The following FAM53A variants were observed in gnomAD, a reference collection of about 807,000 sequenced individuals.
The protein encoded by FAM53A is family with sequence similarity 53 member A, also known as protein FAM53A.
FAM53A carries 28 observed loss-of-function variants against 26.6 expected under a neutral mutation model. The ratio of observed to expected loss-of-function variants is 1.05; its 90% confidence interval spans 0.78 to 1.45. The LOEUF is 1.45. FAM53A is among the 40% of genes most tolerant of loss of function. FAM53A has a pLI of 0.00. For synonymous variants in FAM53A, 290 were observed against 253.1 expected, an observed-to-expected ratio of 1.15 and a Z score of -1.38; for missense variants, 650 against 575.8, an observed-to-expected ratio of 1.13 and a Z score of -1.32.
chr4:1,586,224 C>T, the FAM53A span, among the ~76,000 whole-genome samples: 2 of 151,800 alleles, frequency 1.3e-5, no homozygotes, highest in East Asian at 2.0e-4. Context: ...ACAGAGTTTC[C>T]CTCTTGTTGC....
chr4:1,634,743 C>CA (rs1172401393), intron 1 of FAM53A, among the ~76,000 whole-genome samples: 3 of 151,222 alleles, frequency 2.0e-5, no homozygotes, highest in Non-Finnish European at 4.4e-5. Context: ...ACTAAAAACA[C>CA]AAAAAAATTA....
the FAM53A span, among the ~76,000 whole-genome samples, chr4:1,576,210 A>G: frequency 6.6e-6 from 1 of 152,240 alleles, no homozygotes; most frequent in Non-Finnish European, 1.5e-5. Context: ...TCTCGCGCCT[A>G]TCTATCACGC....
chr4:1,639,069 C>T (rs538211295), downstream of FAM53A, among the ~76,000 whole-genome samples: 25 of 152,306 alleles, frequency 1.6e-4, no homozygotes, highest in African/African-American at 6.0e-4. Context: ...TGACGCCCTC[C>T]CCGACCTGCA....
the FAM53A span, among the ~76,000 whole-genome samples, chr4:1,610,265 C>T: frequency 6.6e-6 from 1 of 152,018 alleles, no homozygotes; most frequent in Non-Finnish European, 1.5e-5. Context: ...AGAATTTCTC[C>T]TCCCCTGGCC....
chr4:1,622,832 A>C (rs567753700), intron 1 of FAM53A, among the ~76,000 whole-genome samples: 3 of 152,254 alleles, frequency 2.0e-5, no homozygotes, highest in Non-Finnish European at 4.4e-5. Context: ...TGAGGCCAGA[A>C]GCAACCACCC....
chr4:1,624,731 A>T (rs1715203460), intron 1 of FAM53A, among the ~76,000 whole-genome samples: 1 of 152,226 alleles, frequency 6.6e-6, no homozygotes, highest in African/African-American at 2.4e-5. Context: ...TCTGTCCCAG[A>T]TGCTGTGTTT....
At chr4:1,670,406 C>T (rs997351697) in intron 1 of FAM53A, among the ~76,000 whole-genome samples, 1 of 152,236 alleles carries the variant, frequency 6.6e-6, no homozygotes, top group Admixed American at 6.5e-5. Context: ...TGGCTCAGAG[C>T]CTTCCCGTCA....
chr4:1,643,221 C>T (rs539675203), intron 4 of FAM53A, among the ~76,000 whole-genome samples: 178 of 152,268 alleles, frequency 1.2e-3, no homozygotes, highest in Non-Finnish European at 1.0e-3. Flanking sequence ...AATCCCAGCA[C>T]TTTGGGAGGC....
At chr4:1,596,241 G>A in the FAM53A span, among the ~76,000 whole-genome samples, 14 of 152,374 alleles carry the variant, frequency 9.2e-5, no homozygotes, top group South Asian at 1.2e-3. Context: ...CACAGGGCCA[G>A]GCTGAGGGAC....
At chr4:1,576,919 G>A in the FAM53A span, among the ~76,000 whole-genome samples, 4 of 152,166 alleles carry the variant, frequency 2.6e-5, no homozygotes, top group South Asian at 6.2e-4. Context: ...CAGAACGAGG[G>A]GTGAGTCAGA....
In FAM53A at chr4:1,652,375, AAC is replaced by A. The variant is rs1430789650; in HGVS notation, c.882+2601_882+2602del. 6.9e-5 allele frequency among the ~76,000 whole-genome samples: 9 copies of A among 130,890 alleles called. 1 individual carries two copies. The highest frequency in any genetic ancestry group is 5.4e-4 in the South Asian group (2 of 3,678). The allele number at this position is 130,890 out of a possible 152,430, so 85.9% of individuals were successfully genotyped here. On this transcript the variant is annotated intron_variant, in intron 4 of 4. Transcript: ENST00000308132. ...CACACGTCACACGCACAACACACACAACACACATCACATGCACACCACACACA... is the reference window on the plus strand; with the variant it reads ...CACACGTCACACGCACAACACACACAACACATCACATGCACACCACACACA...
Position 1,641,308 on chromosome 4 carries a change from C to T in FAM53A, c.1182G>A (p.Gln394=). ...CCCACCAGCCTCAGTTGTTCTCGAT[C>T]TGCTCCAGGTCCAGCTCCCAGCGGG... is the stretch of plus-strand genomic sequence containing the variant. ...PRARWELDLE[Q]IENN is the part of the protein sequence containing the mutation. Residue 394 remains glutamine (Q), a synonymous_variant, in exon 5 of 5, where the codon CAG becomes CAA. Transcript: ENST00000308132. The T allele has an allele frequency of 6.2e-7, 1 of 1,612,986 alleles. No homozygotes were observed. Among genetic ancestry groups the T allele is most frequent in the Non-Finnish European group, 8.5e-7 (1 of 1,179,860 alleles).
At chr4:1,599,718 A>G in the FAM53A span, among the ~76,000 whole-genome samples, 2 of 146,054 alleles carry the variant, frequency 1.4e-5, no homozygotes, top group Non-Finnish European at 3.0e-5. The surrounding 1 kb of genome is among the most constrained non-coding windows in gnomAD (Gnocchi z 6.1). Context: ...ATACATACCC[A>G]CACTAGTCAA....
the FAM53A span, among the ~76,000 whole-genome samples, chr4:1,602,141 C>T: frequency 2.0e-5 from 3 of 152,170 alleles, no homozygotes; most frequent in Non-Finnish European, 2.9e-5. Flanking sequence ...CTGCCTCATG[C>T]ATGGCTGATG....
Position 1,640,861 on chromosome 4 carries a change from A to G in FAM53A, c.*432T>C. ...GCCATGGCCCCGACCAGCTCACAGG[A>G]AACCTACTCTGTGCCCTGGGGCAGG... On this transcript the variant is annotated 3_prime_UTR_variant, in exon 5 of 5. Coordinates refer to ENST00000308132, the MANE Select transcript of FAM53A (RefSeq NM_001174070.3). 2.5e-6 allele frequency: 1 copy of G among 405,312 alleles called. No homozygotes were observed. Among genetic ancestry groups the G allele is most frequent in the South Asian group, 1.7e-5 (1 of 57,484 alleles). 25.1% of individuals were successfully genotyped at this position (405,312 alleles called of 1,614,324 possible). A position where few individuals can be genotyped will look rare whatever the true frequency, so the allele number is the denominator to read the frequency against.
chr4:1,664,444 G>C (rs1714078986), intron 2 of FAM53A, among the ~76,000 whole-genome samples: 1 of 152,182 alleles, frequency 6.6e-6, no homozygotes, highest in Non-Finnish European at 1.5e-5. Flanking sequence ...CTACTCTCTA[G>C]AACTGTCTAC....
At chr4:1,637,228 G>C (rs1186113511), downstream of FAM53A, among the ~76,000 whole-genome samples, 2 of 152,134 alleles carry the variant, frequency 1.3e-5, no homozygotes, top group Non-Finnish European at 2.9e-5. Context: ...AATAGGCCCA[G>C]GATAAGGAAC....
chr4:1,685,348 T>C (rs1197896100), upstream of FAM53A, among the ~76,000 whole-genome samples: 1 of 150,432 alleles, frequency 6.6e-6, no homozygotes, highest in African/African-American at 2.5e-5. Context: ...TTGGTGGGGG[T>C]GGGGAGAAGG....
At chr4:1,608,237 C>T in the FAM53A span, among the ~76,000 whole-genome samples, 2 of 152,072 alleles carry the variant, frequency 1.3e-5, 1 homozygote, top group South Asian at 4.2e-4. Flanking sequence ...CCTCTCCGAT[C>T]TTCTATGTGT....
Sources: gnomAD v4.1 joint callset for allele counts (sites outside exome capture counted in the v4.1 genomes callset) on GRCh38, gnomAD v4.1.1 for gene constraint, Gnocchi (gnomAD v3.1) non-coding constraint, MANE v1.5 for transcripts, NCBI Gene and HGNC (gene_info 2026-07-23, HGNC 2026-07-21) for gene names.